Variants in TRIM37 observed in about 807,000 individuals in gnomAD.
The protein encoded by TRIM37 is E3 ubiquitin-protein ligase TRIM37.
TRIM37 carries 80 observed loss-of-function variants against 129.8 expected under a neutral mutation model. The observed-to-expected ratio is 0.62, with a 90% CI of 0.51 to 0.74. TRIM37 has a LOEUF of 0.74. Among genes scored for constraint, TRIM37 ranks in the 30% least tolerant of loss-of-function variants. The probability of loss-of-function intolerance (pLI) is 0.00; values close to 1 mark genes in which losing one functional copy is unlikely to be tolerated. For missense variants in TRIM37, 1,054 were observed against 1,176.5 expected (o/e 0.90, Z 1.52); for synonymous variants, 389 against 387.1 (o/e 1.00, Z -0.06).
intron 17 of TRIM37, among the ~76,000 whole-genome samples, chr17:59,036,447 G>GGTGTGTGTGTGTGT (rs10625636): frequency 1.4e-5 from 2 of 140,582 alleles, no homozygotes; most frequent in African/African-American, 5.5e-5. Context: ...ATTTGCTGGG[G>GGTGTGTGTGTGTGT]GTGTGTGTGT....
At position 59,057,073 on chromosome 17, in the gene TRIM37, C is replaced by A; in HGVS notation, c.1020-19G>T. 1 of 1,608,114 alleles carries A rather than the reference C, an allele frequency of 6.2e-7. No homozygotes were observed. The highest frequency in any genetic ancestry group is 1.1e-5 in the South Asian group (1 of 90,952). ...TTCATATCTAAAATTGAAAAACAGA[C>A]CATTACTATACAGTTAGTAAAGTAA... On this transcript the variant is annotated intron_variant, in intron 12 of 23. Transcript: ENST00000262294.
Position 58,998,258 on chromosome 17 carries a change from C to T in TRIM37, c.*1119G>A. On this transcript the variant is annotated 3_prime_UTR_variant, in exon 24 of 24. Transcript: ENST00000262294. ...GCAAACTATTTTGAACAAAAGTAAACTATGAGTCACAGCATTCAGCAAGAC... is the reference window on the plus strand; with the variant it reads ...GCAAACTATTTTGAACAAAAGTAAATTATGAGTCACAGCATTCAGCAAGAC... 1.0e-6 allele frequency: 1 copy of T among 985,444 alleles called. No individual in the cohort carries two copies. Among genetic ancestry groups the T allele is most frequent in the Non-Finnish European group, 1.2e-6 (1 of 829,930 alleles). 61.0% of individuals were successfully genotyped at this position (985,444 alleles called of 1,614,324 possible).
intron 8 of TRIM37, among the ~76,000 whole-genome samples, chr17:59,073,597 T>C (rs1325922250): frequency 1.3e-5 from 2 of 152,202 alleles, no homozygotes; most frequent in African/African-American, 4.8e-5. Context: ...GCCTATTTCT[T>C]TACTTTTTTA....
chr17:59,081,883 G>T (rs187591071), intron 5 of TRIM37, among the ~76,000 whole-genome samples: 9 of 147,738 alleles, frequency 6.1e-5, no homozygotes, highest in Non-Finnish European at 1.0e-4. Context: ...CTCCAGCCTG[G>T]GTGACAGAGA....
At chr17:59,104,441 T>C (rs1274627170) in intron 1 of TRIM37, 47 bp from the exon 2 acceptor site, 1 of 1,555,324 alleles carries the variant, frequency 6.4e-7, no homozygotes. Context: ...GGCTACTGAA[T>C]CAAGAGTAAA....
At chr17:59,001,547 G>T (rs2033766591) in intron 23 of TRIM37, 51 bp downstream of exon 23, 1 of 1,611,736 alleles carries the variant, frequency 6.2e-7, no homozygotes, top group South Asian at 1.1e-5. Flanking sequence ...AGAAAGAGAA[G>T]CGGCAGCGGT....
intron 16 of TRIM37, among the ~76,000 whole-genome samples, chr17:59,047,277 A>C (rs2039919782): frequency 6.6e-6 from 1 of 152,246 alleles, no homozygotes. Flanking sequence ...ACAGTATTAC[A>C]TCAATGTTAA....
chr17:59,080,002 G>T, intron 6 of TRIM37, 125 bp from the exon 7 acceptor site: 1 of 1,054,692 alleles, frequency 9.5e-7, no homozygotes, highest in Non-Finnish European at 1.4e-6. Context: ...AAATGGAAAT[G>T]ACCCAACTTG....
intron 24 of TRIM37, among the ~76,000 whole-genome samples, chr17:58,991,428 C>T (rs1171543810): frequency 5.9e-5 from 9 of 152,072 alleles, no homozygotes; most frequent in South Asian, 2.1e-4. Context: ...CCCAGCTACT[C>T]GGAAGGCTGA....
chr17:59,007,184 C>CAA (rs2034611461), intron 22 of TRIM37, among the ~76,000 whole-genome samples: 1 of 69,204 alleles, frequency 1.4e-5, no homozygotes, highest in Non-Finnish European at 2.6e-5. Context: ...CACACACACA[C>CAA]ACACACACAC....
chr17:58,983,675 G>GAATT (rs2031532818), intron 24 of TRIM37: 1 of 152,620 alleles, frequency 6.6e-6, no homozygotes, highest in Admixed American at 6.5e-5. Flanking sequence ...TATAGTCTGT[G>GAATT]AATTATGTGT....
At chr17:59,092,212 G>A (rs531687074) in intron 2 of TRIM37, among the ~76,000 whole-genome samples, 1 of 152,128 alleles carries the variant, frequency 6.6e-6, no homozygotes, top group East Asian at 1.9e-4. Flanking sequence ...GGCCAACATG[G>A]TGAAACCCCG....
chr17:59,006,842 T>C (rs145018759), intron 22 of TRIM37, among the ~76,000 whole-genome samples: 2,604 of 151,926 alleles, frequency 0.017, 27 homozygotes, highest in Non-Finnish European at 0.027. Flanking sequence ...TGAGTCAAGA[T>C]TGCACCACTG....
intron 17 of TRIM37, among the ~76,000 whole-genome samples, chr17:59,040,665 G>C (rs2039040346): frequency 6.6e-6 from 1 of 152,176 alleles, no homozygotes. Flanking sequence ...CAGGATTAAA[G>C]TCAGGAGTAG....
chr17:59,099,426 T>G (rs955146776), intron 2 of TRIM37, among the ~76,000 whole-genome samples: 1 of 151,894 alleles, frequency 6.6e-6, no homozygotes, highest in African/African-American at 2.4e-5. Context: ...GACTTTCTGT[T>G]TGGGGTGATG....
intron 19 of TRIM37, 100 bp downstream of exon 19, chr17:59,028,315 A>T: frequency 1.8e-6 from 2 of 1,139,870 alleles, no homozygotes; most frequent in Non-Finnish European, 2.5e-6. Context: ...GTCTTAACTC[A>T]CTGGAAGAGT....
rs1300627837 is a variant in TRIM37, at chr17:58,999,380, C to T, written c.2892G>A (p.Arg964=). ...GTCAGTTCTCTTGATTTGGCAATTA[C>T]CTTCCACTATTTTCATCTGTATTGA... ...LSFNTDENSG[R] The change falls in exon 24 of 24, where the codon AGG becomes AGA. Residue 964 remains arginine, a synonymous_variant. Transcript: ENST00000262294. The T allele has an allele frequency of 6.2e-7, 1 of 1,613,892 alleles. No individual in the cohort carries two copies. Among genetic ancestry groups the T allele is most frequent in the Non-Finnish European group, 8.5e-7 (1 of 1,179,918 alleles).
At chr17:59,061,809 T>G (rs962702513) in intron 11 of TRIM37, among the ~76,000 whole-genome samples, 5 of 152,072 alleles carry the variant, frequency 3.3e-5, no homozygotes, top group African/African-American at 1.2e-4. Context: ...TCCTTATACA[T>G]CTCCAGTGTC....
At chr17:59,007,231 C>CCACACACACACACA (rs35675752) in intron 22 of TRIM37, among the ~76,000 whole-genome samples, 1 of 97,500 alleles carries the variant, frequency 1.0e-5, no homozygotes, top group Non-Finnish European at 2.0e-5. Flanking sequence ...CCCCACCCAC[C>CCACACACACACACA]CACACACACA....
Sources: allele counts gnomAD v4.1 joint callset (sites outside exome capture counted in the v4.1 genomes callset), GRCh38; gene constraint gnomAD v4.1.1; transcripts MANE v1.5; gene names NCBI Gene and HGNC (gene_info 2026-07-23, HGNC 2026-07-21).